NALF1: variants seen among roughly 807,000 people sequenced by gnomAD.
NALF1 encodes the protein NALCN channel auxiliary factor 1.
Under a neutral mutation model 48.4 loss-of-function variants are expected in NALF1, and 3 were observed. The ratio of observed to expected loss-of-function variants is 0.06; its 90% confidence interval spans 0.03 to 0.16. NALF1 has a LOEUF of 0.16. NALF1 is among the 10% of genes least tolerant of loss of function. The pLI, the probability that NALF1 is intolerant of heterozygous loss-of-function variation, is 1.00. For synonymous variants in NALF1, 262 were observed against 245.7 expected, an observed-to-expected ratio of 1.07 and a Z score of -0.62; for missense variants, 526 against 571.5, an observed-to-expected ratio of 0.92 and a Z score of 0.81.
At chr13:107,744,957 C>G (rs535816389) in intron 1 of NALF1, among the ~76,000 whole-genome samples, 2 of 152,290 alleles carry the variant, frequency 1.3e-5, no homozygotes, top group South Asian at 2.1e-4. Flanking sequence ...GAGTCCTGAA[C>G]GTACGACTCT....
rs544691472 is a variant in NALF1, at chr13:107,591,154, T to C, written c.915+274528A>G. On this transcript the variant is annotated intron_variant, in intron 1 of 2. Transcript: ENST00000375915. ...TAGAATTCCCATTAAGATAACTCAATAGTTTCGTGATGCCAAGTAATAAAA... is the reference window on the plus strand; with the variant it reads ...TAGAATTCCCATTAAGATAACTCAACAGTTTCGTGATGCCAAGTAATAAAA... 2.6e-5 allele frequency among the ~76,000 whole-genome samples: 4 copies of C among 152,082 alleles called. No homozygotes were observed. The South Asian group carries it at 6.2e-4, about 24-fold the overall frequency.
chr13:107,739,192 G>A (rs1158117495), intron 1 of NALF1, among the ~76,000 whole-genome samples: 1 of 151,966 alleles, frequency 6.6e-6, no homozygotes, highest in African/African-American at 2.4e-5. Context: ...AGAGCATCGA[G>A]ACAAATATCT....
At chr13:107,282,420 G>A (rs1216097919) in intron 1 of NALF1, among the ~76,000 whole-genome samples, 1 of 152,196 alleles carries the variant, frequency 6.6e-6, no homozygotes, top group Non-Finnish European at 1.5e-5. Context: ...AATAGGAGAG[G>A]GAGAATTGGT....
At chr13:107,328,314 A>C (rs1594122366) in intron 1 of NALF1, among the ~76,000 whole-genome samples, 1 of 140,790 alleles carries the variant, frequency 7.1e-6, no homozygotes, top group Non-Finnish European at 1.6e-5. Context: ...ACACACACAC[A>C]CTTTTGTTTG....
At chr13:107,222,224 C>T (rs1880009605) in intron 1 of NALF1, among the ~76,000 whole-genome samples, 1 of 152,138 alleles carries the variant, frequency 6.6e-6, no homozygotes, top group South Asian at 2.1e-4. Flanking sequence ...TTTTCTGGTC[C>T]CGGTCTTAAG....
At chr13:107,274,246 A>G (rs1363223630) in intron 1 of NALF1, among the ~76,000 whole-genome samples, 1 of 152,096 alleles carries the variant, frequency 6.6e-6, no homozygotes, top group Non-Finnish European at 1.5e-5. Flanking sequence ...GCACCAGCGA[A>G]TGACTGTGGT....
chr13:107,396,113 G>A (rs1566324430), intron 1 of NALF1, among the ~76,000 whole-genome samples: 1 of 152,054 alleles, frequency 6.6e-6, no homozygotes, highest in Non-Finnish European at 1.5e-5. Flanking sequence ...TTAATTGGGT[G>A]GCAGACAGGC....
intron 1 of NALF1, among the ~76,000 whole-genome samples, chr13:107,351,224 G>A (rs980139236): frequency 3.9e-5 from 6 of 152,176 alleles, no homozygotes; most frequent in African/African-American, 7.2e-5. Flanking sequence ...AACTTGTTAA[G>A]AGGGTAGATC....
rs531266448 is a variant in NALF1 at position 107,688,565 on chromosome 13, G to A, written c.915+177117C>T. ...TTTCAATTGTTTTTAGAACTTAACAGGAAAAAGAAAAAAAGGGTGAGGAAT... is the reference window on the plus strand; with the variant it reads ...TTTCAATTGTTTTTAGAACTTAACAAGAAAAAGAAAAAAAGGGTGAGGAAT... On this transcript the variant is annotated intron_variant, in intron 1 of 2. Transcript: ENST00000375915. Among the ~76,000 whole-genome samples the A allele has an allele frequency of 8.6e-5, 13 of 151,578 alleles. No homozygotes were observed. The East Asian group carries it at 2.1e-3, about 25-fold the overall frequency.
chr13:107,320,698 C>G (rs1284640669), intron 1 of NALF1, among the ~76,000 whole-genome samples: 1 of 152,026 alleles, frequency 6.6e-6, no homozygotes, highest in African/African-American at 2.4e-5. Context: ...TGAAAAGGAT[C>G]TACGACAGGA....
At chr13:107,521,470 G>C (rs912093128) in intron 1 of NALF1, among the ~76,000 whole-genome samples, 3 of 152,020 alleles carry the variant, frequency 2.0e-5, no homozygotes, top group Admixed American at 2.0e-4. Flanking sequence ...CTGATAAAAT[G>C]TTTTCTTTCA....
At chr13:107,526,399 G>A (rs765287213) in intron 1 of NALF1, among the ~76,000 whole-genome samples, 25 of 152,026 alleles carry the variant, frequency 1.6e-4, no homozygotes, top group Admixed American at 2.6e-4. Context: ...TCAATTGATT[G>A]TTTTATGTTA....
At chr13:107,377,056 A>G (rs1025885397) in intron 1 of NALF1, among the ~76,000 whole-genome samples, 2 of 152,268 alleles carry the variant, frequency 1.3e-5, no homozygotes, top group African/African-American at 2.4e-5. Flanking sequence ...CCTATTGTGT[A>G]GAGTAGACAA....
At chr13:107,452,096 C>T (rs1315223804) in intron 1 of NALF1, among the ~76,000 whole-genome samples, 1 of 86,056 alleles carries the variant, frequency 1.2e-5, no homozygotes, top group Non-Finnish European at 3.0e-5. Flanking sequence ...GCTTCTTCCT[C>T]CTCTGCTCCC....
chr13:107,798,672 C>T (rs995224276), intron 1 of NALF1, among the ~76,000 whole-genome samples: 1 of 152,238 alleles, frequency 6.6e-6, no homozygotes, highest in African/African-American at 2.4e-5. Context: ...ACCAAAAATT[C>T]TATCAGTTTG....
At position 107,310,845 on chromosome 13, in the gene NALF1, GA is replaced by G. The variant is rs921723772; in HGVS notation, c.916-100091del. 3.0e-4 allele frequency among the ~76,000 whole-genome samples: 46 copies of G among 152,118 alleles called. No individual in the cohort carries two copies. In the East Asian group the frequency reaches 7.6e-3, roughly 25 times the overall value. ...GGCACCCACCACCACACCTGGCTAA[GA>G]GATGGGGTTTCACCATGTTGGTCAG... is the stretch of plus-strand genomic sequence containing the variant. On this transcript the variant is annotated intron_variant, in intron 1 of 2. Transcript: ENST00000375915.
intron 1 of NALF1, among the ~76,000 whole-genome samples, chr13:107,401,708 T>G (rs1004910012): frequency 7.3e-5 from 11 of 150,870 alleles, no homozygotes; most frequent in African/African-American, 2.7e-4. Context: ...AAAAAAACAA[T>G]GTTGAATTTC....
chr13:107,419,313 TA>T (rs1470237618), intron 1 of NALF1, among the ~76,000 whole-genome samples: 1 of 152,244 alleles, frequency 6.6e-6, no homozygotes, highest in Non-Finnish European at 1.5e-5. Flanking sequence ...TTAATAAAGA[TA>T]ATATTTATTG....
At chr13:107,730,421 A>C (rs1264657984) in intron 1 of NALF1, among the ~76,000 whole-genome samples, 1 of 152,176 alleles carries the variant, frequency 6.6e-6, no homozygotes, top group Non-Finnish European at 1.5e-5. Context: ...TGAGTGGCTT[A>C]ATTAAAAACA....
Sources: allele counts gnomAD v4.1 joint callset (sites outside exome capture counted in the v4.1 genomes callset), GRCh38; gene constraint gnomAD v4.1.1; transcripts MANE v1.5; gene names NCBI Gene and HGNC (gene_info 2026-07-23, HGNC 2026-07-21).